Variants in PRPF31 observed in about 807,000 individuals in gnomAD.
PRPF31 encodes pre-mRNA processing factor 31.
PRPF31 carries 12 observed loss-of-function variants against 60.4 expected under a neutral mutation model. That is an observed-to-expected ratio of 0.20 (90% confidence interval 0.13 to 0.32). The LOEUF (loss-of-function observed/expected upper bound fraction) is 0.32, where lower values mean the gene tolerates loss of function less well. Ranked by LOEUF, PRPF31 falls within the 10% of genes least tolerant of loss-of-function variation. PRPF31 has a pLI of 1.00. For missense variants in PRPF31, 431 were observed against 687.1 expected (o/e 0.63, Z 4.17); for synonymous variants, 287 against 287.9 (o/e 1.00, Z 0.03).
intron 13 of PRPF31, among the ~76,000 whole-genome samples, chr19:54,129,673 C>G (rs2074007621): frequency 7.2e-6 from 1 of 138,946 alleles, no homozygotes; most frequent in African/African-American, 2.7e-5. Context: ...AGCCTCCAGG[C>G]CCTCCAGTTC....
At chr19:54,124,057 G>C in intron 7 of PRPF31, 139 bp downstream of exon 7, 1 of 1,483,648 alleles carries the variant, frequency 6.7e-7, no homozygotes, top group Non-Finnish European at 9.0e-7. Flanking sequence ...ACAGAGGTCA[G>C]CCAGCCTGGC....
chr19:54,128,629 G>A (rs368961632), intron 11 of PRPF31, among the ~76,000 whole-genome samples: 51 of 151,754 alleles, frequency 3.4e-4, no homozygotes, highest in East Asian at 1.2e-3. Flanking sequence ...CTCCTTGGCC[G>A]GTTCCTCCCT....
chr19:54,131,211 T>G, intron 13 of PRPF31, 96 bp from the exon 14 acceptor site: 10 of 1,530,818 alleles, frequency 6.5e-6, no homozygotes, highest in South Asian at 2.2e-5. Flanking sequence ...CACCAAGGCC[T>G]GAGTGCCATG....
At chr19:54,127,735 G>A (rs1054808590) in intron 9 of PRPF31, among the ~76,000 whole-genome samples, 11 of 152,206 alleles carry the variant, frequency 7.2e-5, no homozygotes, top group African/African-American at 2.7e-4. Context: ...CTGGCACAGC[G>A]TTCAGGTGTT....
intron 13 of PRPF31, 118 bp downstream of exon 13, chr19:54,129,488 G>C: frequency 1.6e-6 from 2 of 1,277,242 alleles, no homozygotes; most frequent in East Asian, 5.1e-5. Flanking sequence ...TGGAGGGTGT[G>C]GTGACGAGGT....
chr19:54,127,991 A>G (rs1287684781), intron 9 of PRPF31, 82 bp from the exon 10 acceptor site: 6 of 1,539,352 alleles, frequency 3.9e-6, no homozygotes, highest in South Asian at 1.2e-5. Flanking sequence ...AGGCACGTGG[A>G]TACTCGGGGG....
At chr19:54,124,713 C>A in intron 8 of PRPF31, 57 bp downstream of exon 8, 4 of 1,577,368 alleles carry the variant, frequency 2.5e-6, no homozygotes, top group Non-Finnish European at 3.5e-6. Flanking sequence ...TCCGCTGTGC[C>A]CAGACAGCCT....
chr19:54,127,991 A>C (rs1287684781), intron 9 of PRPF31, 82 bp from the exon 10 acceptor site: 2 of 1,539,234 alleles, frequency 1.3e-6, no homozygotes. Flanking sequence ...AGGCACGTGG[A>C]TACTCGGGGG....
rs2073843770 is a variant in PRPF31 at position 54,123,541 on chromosome 19, A to G, written c.508A>G (p.Thr170Ala). The change falls in exon 6 of 14, where the codon ACC (threonine) becomes GCC (alanine). Residue 170 changes from threonine (T) to alanine (A), a missense_variant. Around this residue, in one of 4 missense-constraint regions of PRPF31, gnomAD observed 314 missense variants for 475.3 expected, o/e 0.66. Coordinates refer to ENST00000321030, the MANE Select transcript of PRPF31 (RefSeq NM_015629.4). ...TGCCACCATCATGGTCGTCAGCGTC[A>G]CCGCCTCCACCACCCAGGGGTATGT... ...TNATIMVVSV[T>A]ASTTQGQQLS... 6.2e-7 allele frequency: 1 copy of G among 1,613,994 alleles called. No individual in the cohort carries two copies. Among genetic ancestry groups the G allele is most frequent in the Non-Finnish European group, 8.5e-7 (1 of 1,180,004 alleles).
At chr19:54,131,161 A>G (rs1388012145) in intron 13 of PRPF31, 146 bp from the exon 14 acceptor site, 19 of 1,185,660 alleles carry the variant, frequency 1.6e-5, no homozygotes, top group Non-Finnish European at 2.4e-5. Context: ...GAATCTCCCA[A>G]GACAGGGCAA....
chr19:54,124,787 T>C (rs1440164072), intron 8 of PRPF31, 131 bp downstream of exon 8: 2 of 1,129,116 alleles, frequency 1.8e-6, no homozygotes, highest in Non-Finnish European at 1.3e-6. Context: ...CAGGGTGGCA[T>C]GGGACGTGAG....
At position 54,129,145 on chromosome 19, in the gene PRPF31, T is replaced by C. The variant is rs2146450292; in HGVS notation, c.1235T>C (p.Val412Ala). The C allele has an allele frequency of 1.3e-6, 2 of 1,581,206 alleles. No individual in the cohort carries two copies. Among genetic ancestry groups the C allele is most frequent in the Non-Finnish European group, 1.7e-6 (2 of 1,164,350 alleles). Reference protein sequence around the residue: ...SGSGRVRQTQVNEATKARISK... With the variant: ...SGSGRVRQTQANEATKARISK... The stretch of plus-strand genomic sequence containing the variant: ...AGTGGGCGTGTGCGGCAGACACAGG[T>C]AAACGAGGCCACCAAGGCCAGGATC... Residue 412 changes from valine (V) to alanine (A), a missense_variant, in exon 12 of 14, where the codon GTA becomes GCA. This residue lies in a region of PRPF31 where 314 missense variants were observed against 475.3 expected (regional missense o/e 0.66). Coordinates refer to ENST00000321030, the MANE Select transcript of PRPF31 (RefSeq NM_015629.4).
rs1331181536 is a variant in PRPF31, at chr19:54,129,162, G to A, written c.1252G>A (p.Ala418Thr). Reference sequence around the variant, plus strand: ...GACACAGGTAAACGAGGCCACCAAGGCCAGGATCTCCAAGACGCTGCAGGT... The same window carrying A: ...GACACAGGTAAACGAGGCCACCAAGACCAGGATCTCCAAGACGCTGCAGGT... ...RQTQVNEATK[A>T]RISKTLQRTL... The change falls in exon 12 of 14, where the codon GCC (alanine) becomes ACC (threonine). Residue 418 changes from alanine (A) to threonine (T), a missense_variant. This residue lies in a region of PRPF31 where 314 missense variants were observed against 475.3 expected (regional missense o/e 0.66). Transcript: ENST00000321030. The A allele has an allele frequency of 6.3e-7, 1 of 1,584,362 alleles. No homozygotes were observed. Among genetic ancestry groups the A allele is most frequent in the Non-Finnish European group, 8.6e-7 (1 of 1,165,820 alleles).
chr19:54,121,220 T>G (rs1186206653), intron 3 of PRPF31, among the ~76,000 whole-genome samples: 1 of 151,650 alleles, frequency 6.6e-6, no homozygotes, highest in Non-Finnish European at 1.5e-5. Flanking sequence ...GGAGAATCGC[T>G]TGAACCCAGG....
rs1600339082 is a variant in PRPF31 at position 54,123,139 on chromosome 19, G to T, written c.421-315G>T. ...ATGGCGGTGGGGAAGCCCCTGCAGG[G>T]AAGCGAGGCCGCGGATTTGCACTCC... On this transcript the variant is annotated intron_variant, in intron 5 of 13. Coordinates refer to ENST00000321030, the MANE Select transcript of PRPF31 (RefSeq NM_015629.4). 5.6e-6 allele frequency: 3 copies of T among 531,990 alleles called. No homozygotes were observed. The East Asian group carries it at 9.9e-5, about 18-fold the overall frequency. The allele number at this position is 531,990 out of a possible 1,614,324, so 33.0% of individuals were successfully genotyped here.
intron 9 of PRPF31, 88 bp from the exon 10 acceptor site, chr19:54,127,985 A>C (rs2073958662): frequency 6.5e-7 from 1 of 1,528,098 alleles, no homozygotes; most frequent in Non-Finnish European, 8.9e-7. Context: ...TAACTAAGGC[A>C]CGTGGATACT....
intron 13 of PRPF31, among the ~76,000 whole-genome samples, chr19:54,130,262 C>T (rs1342264823): frequency 3.0e-5 from 4 of 132,988 alleles, no homozygotes; most frequent in Admixed American, 8.2e-5. Flanking sequence ...GTAAGATGTC[C>T]AGTGTAGGAG....
chr19:54,130,783 GA>G (rs2074032490), intron 13 of PRPF31, among the ~76,000 whole-genome samples: 1 of 152,178 alleles, frequency 6.6e-6, no homozygotes, highest in East Asian at 1.9e-4. Context: ...CCTCCATCAT[GA>G]GGTGCTCAGG....
rs1409184403 is a variant in PRPF31 at position 54,118,564 on chromosome 19, T to G, written c.178-9T>G. 1.2e-6 allele frequency: 2 copies of G among 1,614,132 alleles called. No homozygotes were observed. On this transcript the variant is annotated splice_polypyrimidine_tract_variant and intron_variant, in intron 2 of 13. Transcript: ENST00000321030. ...TGCTGGATTCTGACTGTCTTCTCCT[T>G]TCCTACAGTTTGCTGAGATTATGAT...
Sources: gnomAD v4.1 joint callset for allele counts (sites outside exome capture counted in the v4.1 genomes callset) on GRCh38, gnomAD v4.1.1 for gene constraint, gnomAD v4.1.1 regional missense constraint, MANE v1.5 for transcripts, NCBI Gene and HGNC (gene_info 2026-07-23, HGNC 2026-07-21) for gene names.